SEMA5A: variants seen among roughly 807,000 people sequenced by gnomAD.
SEMA5A encodes semaphorin-5A.
A neutral mutation model predicts 135.5 loss-of-function variants in SEMA5A; 55 were observed. The observed-to-expected ratio is 0.41, with a 90% CI of 0.33 to 0.51. The LOEUF (loss-of-function observed/expected upper bound fraction) is 0.51. Among genes scored for constraint, SEMA5A ranks in the 20% least tolerant of loss-of-function variants. The probability of loss-of-function intolerance (pLI) is 0.37; values close to 1 mark genes in which losing one functional copy is unlikely to be tolerated. For synonymous variants in SEMA5A, 580 were observed against 546.5 expected (o/e 1.06, Z -0.85); for missense variants, 1,290 against 1,419.9 (o/e 0.91, Z 1.47).
chr5:9,373,416 T>C lies in SEMA5A; in HGVS notation c.124+6407A>G, dbSNP rs148138349. Among the ~76,000 whole-genome samples the C allele has an allele frequency of 6.6e-4, 100 of 152,242 alleles. No homozygotes were observed. The East Asian group carries it at 0.016, about 25-fold the overall frequency. ...CTTAGGGAAGCAGCAGAAAACCAAG[T>C]GCAACCCCCTAGCCCAGTCCCGGTG... On this transcript the variant is annotated intron_variant, in intron 3 of 22. Transcript: ENST00000382496.
intron 1 of SEMA5A, among the ~76,000 whole-genome samples, chr5:9,486,096 A>G (rs1028591624): frequency 6.6e-6 from 1 of 152,238 alleles, no homozygotes; most frequent in Admixed American, 6.5e-5. Flanking sequence ...AGCCATAAAA[A>G]GGAATGAGAT....
chr5:9,178,941 G>C (rs75786175), intron 11 of SEMA5A, among the ~76,000 whole-genome samples: 1 of 152,214 alleles, frequency 6.6e-6, no homozygotes, highest in Non-Finnish European at 1.5e-5. Flanking sequence ...CCAGTAACTC[G>C]TGTTCTACAT....
chr5:9,257,209 G>A (rs1223272062), intron 5 of SEMA5A, among the ~76,000 whole-genome samples: 1 of 152,192 alleles, frequency 6.6e-6, no homozygotes, highest in Admixed American at 6.5e-5. Flanking sequence ...CAATAATCCA[G>A]AGAATGACTC....
At chr5:9,443,722 C>A (rs956936559) in intron 1 of SEMA5A, among the ~76,000 whole-genome samples, 1 of 152,236 alleles carries the variant, frequency 6.6e-6, no homozygotes, top group Non-Finnish European at 1.5e-5. Flanking sequence ...TTGAAGGATA[C>A]AAATAACAGC....
At chr5:9,187,073 T>G (rs2150340558) in intron 11 of SEMA5A, among the ~76,000 whole-genome samples, 1 of 151,830 alleles carries the variant, frequency 6.6e-6, no homozygotes, top group East Asian at 2.0e-4. Context: ...ATCAGCTTTT[T>G]GAATTCAAAA....
chr5:9,262,910 TA>T (rs371078828), intron 5 of SEMA5A, among the ~76,000 whole-genome samples: 2,941 of 104,712 alleles, frequency 0.028, 63 homozygotes, highest in African/African-American at 0.073. Context: ...AAAAAAAAAT[TA>T]AAAAAAAAAA....
chr5:9,125,731 C>T (rs796556203), intron 13 of SEMA5A, among the ~76,000 whole-genome samples: 8 of 152,114 alleles, frequency 5.3e-5, no homozygotes, highest in African/African-American at 1.9e-4. Context: ...TCATGAGGTT[C>T]TCTGAAGACC....
At chr5:9,349,563 G>A (rs1025463653) in intron 3 of SEMA5A, among the ~76,000 whole-genome samples, 1 of 152,150 alleles carries the variant, frequency 6.6e-6, no homozygotes, top group Non-Finnish European at 1.5e-5. Context: ...TGTAATGTAA[G>A]CTGCACATGT....
At chr5:9,090,240 G>A (rs1738957681) in intron 16 of SEMA5A, among the ~76,000 whole-genome samples, 1 of 152,138 alleles carries the variant, frequency 6.6e-6, no homozygotes, top group Admixed American at 6.5e-5. Context: ...GGCACTTTCA[G>A]GATAGCAATG....
chr5:9,129,199 A>G (rs549345864), intron 13 of SEMA5A, among the ~76,000 whole-genome samples: 9 of 152,350 alleles, frequency 5.9e-5, no homozygotes, highest in South Asian at 4.1e-4. Flanking sequence ...AAGAGGAAAG[A>G]GGCAAATAAA....
intron 1 of SEMA5A, among the ~76,000 whole-genome samples, chr5:9,495,203 C>G (rs1052536403): frequency 6.6e-5 from 10 of 152,204 alleles, no homozygotes; most frequent in Non-Finnish European, 1.0e-4. Context: ...TACCTGGCGT[C>G]CCTGTGAGTA....
intron 19 of SEMA5A, among the ~76,000 whole-genome samples, chr5:9,052,976 T>C (rs1736674689): frequency 6.6e-6 from 1 of 152,226 alleles, no homozygotes; most frequent in African/African-American, 2.4e-5. Context: ...AAGGGTAAAA[T>C]GTTTCCTTAG....
rs1560923232 is a variant in SEMA5A, at chr5:9,108,155, A to G, written c.2058T>C (p.Cys686=). The G allele has an allele frequency of 6.2e-7, 1 of 1,614,046 alleles. No individual in the cohort carries two copies. Among genetic ancestry groups the G allele is most frequent in the Admixed American group, 1.7e-5 (1 of 60,010 alleles). ...GGCTACTCACCACATTGCAGCCTGC[A>G]CAGTCAGGCCCATTCTCACAGATCC... ...RRRICENGPD[C]AGCNVEYQSC... is the part of the protein sequence containing the mutation. Residue 686 remains cysteine, a synonymous_variant, in exon 16 of 23, where the codon TGT becomes TGC. Transcript: ENST00000382496.
At chr5:9,150,117 G>A (rs1742552964) in intron 12 of SEMA5A, among the ~76,000 whole-genome samples, 1 of 152,160 alleles carries the variant, frequency 6.6e-6, no homozygotes, top group African/African-American at 2.4e-5. Flanking sequence ...GGGATTACAG[G>A]TGTGAGTCAC....
At chr5:9,263,991 G>T (rs1408757368) in intron 5 of SEMA5A, among the ~76,000 whole-genome samples, 1 of 152,108 alleles carries the variant, frequency 6.6e-6, no homozygotes, top group East Asian at 1.9e-4. Flanking sequence ...TTTTGTTGTT[G>T]CCATTAAACT....
intron 1 of SEMA5A, among the ~76,000 whole-genome samples, chr5:9,451,170 A>G (rs1166666605): frequency 6.6e-6 from 1 of 152,214 alleles, no homozygotes; most frequent in African/African-American, 2.4e-5. Flanking sequence ...TCAGATCAGC[A>G]GACATCTAGC....
chr5:9,353,100 A>G (rs796844371), intron 3 of SEMA5A, among the ~76,000 whole-genome samples: 1,350 of 14,014 alleles, frequency 0.096, 314 homozygotes, highest in South Asian at 0.16. Context: ...AAAGGAAGGA[A>G]GGAAAGGAAA....
chr5:9,297,431 A>T (rs1233495358), intron 5 of SEMA5A, among the ~76,000 whole-genome samples: 1 of 152,176 alleles, frequency 6.6e-6, no homozygotes, highest in Admixed American at 6.5e-5. Flanking sequence ...TAAAAAAGGA[A>T]TCAGAGAACT....
intron 1 of SEMA5A, among the ~76,000 whole-genome samples, chr5:9,460,258 T>C (rs1182448597): frequency 3.3e-5 from 5 of 152,212 alleles, no homozygotes; most frequent in South Asian, 4.1e-4. Context: ...TGTGTAATGA[T>C]AGGAGTTCAT....
Sources: gnomAD v4.1 joint callset for allele counts (sites outside exome capture counted in the v4.1 genomes callset) on GRCh38, gnomAD v4.1.1 for gene constraint, MANE v1.5 for transcripts, NCBI Gene and HGNC (gene_info 2026-07-23, HGNC 2026-07-21) for gene names.